The following RBMS2 variants were observed in gnomAD, a reference collection of about 807,000 sequenced individuals.
RBMS2 encodes RNA binding motif single stranded interacting protein 2.
Under a neutral mutation model 58.4 loss-of-function variants are expected in RBMS2, and 38 were observed. The ratio of observed to expected loss-of-function variants is 0.65; its 90% CI spans 0.50 to 0.85. The LOEUF (loss-of-function observed/expected upper bound fraction) is 0.85. Ranked by LOEUF, RBMS2 falls within the 40% of genes least tolerant of loss-of-function variation. The probability of loss-of-function intolerance (pLI) is 0.00; values close to 1 mark genes in which losing one functional copy is unlikely to be tolerated. For synonymous variants in RBMS2, 151 were observed against 180.7 expected (o/e 0.84, Z 1.32); for missense variants, 367 against 503.7 (o/e 0.73, Z 2.60).
chr12:56,579,958 C>G (rs1883688485), intron 5 of RBMS2, among the ~76,000 whole-genome samples: 1 of 152,064 alleles, frequency 6.6e-6, no homozygotes, highest in Non-Finnish European at 1.5e-5. Flanking sequence ...GAGACGGAGT[C>G]TTGCTCTGTC....
intron 5 of RBMS2, among the ~76,000 whole-genome samples, chr12:56,575,702 C>A (rs1342828028): frequency 6.6e-6 from 1 of 151,988 alleles, no homozygotes; most frequent in Non-Finnish European, 1.5e-5. Flanking sequence ...CGAGACCAGC[C>A]TGACCAACGT....
chr12:56,577,844 G>T (rs1397101873), intron 5 of RBMS2, among the ~76,000 whole-genome samples: 1 of 152,054 alleles, frequency 6.6e-6, no homozygotes, highest in Non-Finnish European at 1.5e-5. Context: ...CGCCACGCCC[G>T]GCTAATTTTT....
chr12:56,530,782 G>A (rs907541437), intron 1 of RBMS2, among the ~76,000 whole-genome samples: 3 of 152,068 alleles, frequency 2.0e-5, no homozygotes, highest in Non-Finnish European at 4.4e-5. Flanking sequence ...TCTTTTTGTC[G>A]TTCTTGTGCC....
intron 5 of RBMS2, 96 bp from the exon 6 acceptor site, chr12:56,581,088 G>C: frequency 9.9e-7 from 1 of 1,009,480 alleles, no homozygotes; most frequent in Non-Finnish European, 1.6e-6. Flanking sequence ...TGGAGCAGTT[G>C]TGGGGCTGGG....
At chr12:56,528,959 T>G (rs1390840177) in intron 1 of RBMS2, among the ~76,000 whole-genome samples, 4 of 152,040 alleles carry the variant, frequency 2.6e-5, no homozygotes, top group Non-Finnish European at 2.9e-5. Context: ...ACATAATATA[T>G]GTGGAGTAAC....
At chr12:56,586,407 A>C (rs1328159069) in intron 9 of RBMS2, among the ~76,000 whole-genome samples, 1 of 152,074 alleles carries the variant, frequency 6.6e-6, no homozygotes, top group East Asian at 1.9e-4. Flanking sequence ...GCAACAGAGC[A>C]AGACTCTGTC....
chr12:56,581,518 C>T lies in RBMS2; in HGVS notation c.732+10C>T. On this transcript the variant is annotated intron_variant, in intron 7 of 13. Transcript: ENST00000262031. The stretch of plus-strand genomic sequence containing the variant: ...AAGGAATGCAGACATGGTAAGAGGA[C>T]CTCTGAGGAGACAGGAGTACTAACG... 2 of 1,606,190 alleles carry T rather than the reference C, an allele frequency of 1.2e-6. No individual in the cohort carries two copies. The highest frequency in any genetic ancestry group is 1.1e-5 in the South Asian group (1 of 90,858).
chr12:56,588,866 A>G, intron 12 of RBMS2, 66 bp from the exon 13 acceptor site: 1 of 1,517,922 alleles, frequency 6.6e-7, no homozygotes, highest in Non-Finnish European at 9.1e-7. Flanking sequence ...GGCTTTGGTC[A>G]GGCTGCTGTA....
chr12:56,522,121 A>G (rs753814866), intron 1 of RBMS2, 32 bp downstream of exon 1: 20 of 1,509,272 alleles, frequency 1.3e-5, no homozygotes, highest in African/African-American at 2.8e-5. Context: ...GTATCTAGCT[A>G]CTTCTTTTTC....
At chr12:56,531,277 A>C (rs561471734) in intron 1 of RBMS2, among the ~76,000 whole-genome samples, 1 of 152,238 alleles carries the variant, frequency 6.6e-6, no homozygotes, top group African/African-American at 2.4e-5. Flanking sequence ...GTAGATACTC[A>C]AAAAATATAT....
intron 1 of RBMS2, among the ~76,000 whole-genome samples, chr12:56,545,595 C>T (rs979850353): frequency 6.6e-6 from 1 of 152,176 alleles, no homozygotes; most frequent in African/African-American, 2.4e-5. Context: ...TGCTCCTCTC[C>T]CATTGCCCTA....
At chr12:56,520,618 T>C (rs1461367720), upstream of RBMS2, among the ~76,000 whole-genome samples, 1 of 152,226 alleles carries the variant, frequency 6.6e-6, no homozygotes. Flanking sequence ...AAAGACATTC[T>C]TTGGAAACTA....
chr12:56,557,387 C>T (rs1222573496), intron 1 of RBMS2, among the ~76,000 whole-genome samples: 4 of 152,106 alleles, frequency 2.6e-5, no homozygotes, highest in Non-Finnish European at 5.9e-5. Context: ...TATTTTTCCA[C>T]CATTTTTCTT....
chr12:56,521,502 G>GTTTTTTTTTTTTTTTTT (rs68129205), upstream of RBMS2, among the ~76,000 whole-genome samples: 20 of 73,158 alleles, frequency 2.7e-4, 1 homozygote, highest in Middle Eastern at 0.043. Context: ...CTCTAACTCT[G>GTTTTTTTTTTTTTTTTT]TTTTTTTTTT....
chr12:56,583,609 G>A (rs1412775679), intron 9 of RBMS2, among the ~76,000 whole-genome samples: 7 of 151,844 alleles, frequency 4.6e-5, no homozygotes, highest in East Asian at 1.9e-4. Context: ...AGCCGAGATC[G>A]CGCCACTACA....
At chr12:56,579,631 C>T (rs1399026374) in intron 5 of RBMS2, among the ~76,000 whole-genome samples, 1 of 139,202 alleles carries the variant, frequency 7.2e-6, no homozygotes, top group Non-Finnish European at 1.5e-5. Context: ...AAGACTCAGT[C>T]TCAAAAAAAA....
At chr12:56,543,205 G>A (rs915877556) in intron 1 of RBMS2, among the ~76,000 whole-genome samples, 2 of 151,436 alleles carry the variant, frequency 1.3e-5, no homozygotes, top group Admixed American at 1.3e-4. Flanking sequence ...CATGAAGGCC[G>A]GGCGCAGTGG....
At chr12:56,582,592 C>G (rs1402479516) in intron 9 of RBMS2, among the ~76,000 whole-genome samples, 1 of 152,172 alleles carries the variant, frequency 6.6e-6, no homozygotes, top group African/African-American at 2.4e-5. Flanking sequence ...TTTTTAGAAA[C>G]AGAAATTTTG....
At chr12:56,529,168 G>A (rs1181314522) in intron 1 of RBMS2, among the ~76,000 whole-genome samples, 1 of 152,072 alleles carries the variant, frequency 6.6e-6, no homozygotes, top group Non-Finnish European at 1.5e-5. Flanking sequence ...AGTCCAGAGT[G>A]GAAACAACCC....
Sources: gnomAD v4.1 joint callset for allele counts (sites outside exome capture counted in the v4.1 genomes callset) on GRCh38, gnomAD v4.1.1 for gene constraint, MANE v1.5 for transcripts, NCBI Gene and HGNC (gene_info 2026-07-23, HGNC 2026-07-21) for gene names.